Variants in RMND5B observed in about 807,000 individuals in gnomAD.
RMND5B encodes the protein required for meiotic nuclear division 5 homolog B.
Under a neutral mutation model 50.4 loss-of-function variants are expected in RMND5B, and 42 were observed. That is an observed-to-expected ratio of 0.83 (90% CI 0.65 to 1.08). The LOEUF is 1.08. RMND5B is among the 50% of genes least tolerant of loss of function. RMND5B has a pLI of 0.00. For missense variants in RMND5B, 463 were observed against 508.5 expected (o/e 0.91, Z 0.86); for synonymous variants, 220 against 210.0 (o/e 1.05, Z -0.41).
chr5:178,139,788 T>A (rs1160170355), intron 3 of RMND5B, among the ~76,000 whole-genome samples: 3 of 147,764 alleles, frequency 2.0e-5, no homozygotes, highest in Non-Finnish European at 4.5e-5. Flanking sequence ...GAACTCCCGA[T>A]CTCAGGTGAT....
intron 3 of RMND5B, among the ~76,000 whole-genome samples, chr5:178,140,208 T>G (rs1758843929): frequency 6.6e-6 from 1 of 152,134 alleles, no homozygotes; most frequent in Non-Finnish European, 1.5e-5. Context: ...AGTTCTCACT[T>G]TGTTGCCCAG....
At chr5:178,135,886 C>G (rs1758596300) in intron 2 of RMND5B, 1 of 152,148 alleles carries the variant, frequency 6.6e-6, no homozygotes, top group Non-Finnish European at 1.5e-5. Context: ...CACTCTTGGC[C>G]AACATTCTAG....
At chr5:178,145,921 T>C (rs1468269458) in intron 7 of RMND5B, 193 bp from the exon 8 acceptor site, 1 of 572,328 alleles carries the variant, frequency 1.7e-6, no homozygotes, top group Non-Finnish European at 3.1e-6. Context: ...AGAAGCAGCC[T>C]GGACCTCCAC....
rs138696545 is a variant in RMND5B at position 178,146,227 on chromosome 5, C to T, written c.808C>T (p.Arg270Trp). The T allele has an allele frequency of 2.4e-5, 38 of 1,614,048 alleles. No homozygotes were observed. The Middle Eastern group carries it at 6.6e-4, about 28-fold the overall frequency. ...GGCAGAGATCTGTGAGACCTTTACCCGGGACGCCTGTTCCCTGCTGGGGCT... is the reference window on the plus strand; with the variant it reads ...GGCAGAGATCTGTGAGACCTTTACCTGGGACGCCTGTTCCCTGCTGGGGCT... ...HWAEICETFTRDACSLLGLSV... is the reference protein window; with the variant it reads ...HWAEICETFTWDACSLLGLSV... Residue 270 changes from arginine (R) to tryptophan (W), a missense_variant, in exon 8 of 11, where the codon CGG (arginine) becomes TGG (tryptophan). Coordinates refer to ENST00000313386, the MANE Select transcript of RMND5B (RefSeq NM_022762.5).
intron 8 of RMND5B, 141 bp from the exon 9 acceptor site, chr5:178,147,392 G>A: frequency 1.6e-6 from 1 of 638,390 alleles, no homozygotes; most frequent in Non-Finnish European, 2.8e-6. Context: ...TATGAACAAT[G>A]TGAGGGATCT....
At chr5:178,140,993 T>C (rs937334958) in intron 3 of RMND5B, among the ~76,000 whole-genome samples, 1 of 152,220 alleles carries the variant, frequency 6.6e-6, no homozygotes, top group Non-Finnish European at 1.5e-5. Context: ...TGTCATTCTT[T>C]ATACATTTAT....
chr5:178,131,348 T>G lies in RMND5B; in HGVS notation c.-41T>G, dbSNP rs1377537456. On this transcript the variant is annotated 5_prime_UTR_variant, in exon 2 of 11. Coordinates refer to ENST00000313386, the MANE Select transcript of RMND5B (RefSeq NM_022762.5). The stretch of plus-strand genomic sequence containing the variant: ...CTCGGACTCAAACGTCCAGTCCTCG[T>G]GCGACCGCGCTGGGTCGGAAGTGAG... 1.3e-5 allele frequency: 2 copies of G among 152,154 alleles called. No individual in the cohort carries two copies. Among genetic ancestry groups the G allele is most frequent in the Non-Finnish European group, 2.9e-5 (2 of 68,074 alleles). The allele number at this position is 152,154 out of a possible 1,614,324, so 9.4% of individuals were successfully genotyped here. A position where few individuals can be genotyped will look rare whatever the true frequency, so the allele number is the denominator to read the frequency against.
chr5:178,149,739 C>T lies in RMND5B; in HGVS notation c.*1707C>T, dbSNP rs1382630853. The T allele has an allele frequency of 1.2e-6, 2 of 1,614,076 alleles. No homozygotes were observed. Among genetic ancestry groups the T allele is most frequent in the African/African-American group, 2.7e-5 (2 of 75,052 alleles). ...CATAGGGGTAGGGGCAGGGACTGCA[C>T]CTCCTCCAGGCACTCATCGTAAGCC... On this transcript the variant is annotated 3_prime_UTR_variant, in exon 11 of 11. Transcript: ENST00000313386.
intron 3 of RMND5B, among the ~76,000 whole-genome samples, chr5:178,141,015 C>T (rs1310708698): frequency 6.6e-6 from 1 of 152,266 alleles, no homozygotes; most frequent in East Asian, 1.9e-4. Flanking sequence ...AGTTGACATT[C>T]AACTGAAAAG....
In RMND5B at chr5:178,138,629, G is replaced by A. The variant is rs1758754078; in HGVS notation, c.139+371G>A. On this transcript the variant is annotated intron_variant, in intron 3 of 10. Transcript: ENST00000313386. The surrounding 1 kb of genome is among the most constrained non-coding windows in gnomAD (Gnocchi z 5.1). ...TCCTCCTGCCTCAGCCTCCCAAAGT[G>A]CTGGAATTATATGCGTGAGCCACCA... 6.6e-6 allele frequency among the ~76,000 whole-genome samples: 1 copy of A among 151,522 alleles called. No individual in the cohort carries two copies. The highest frequency in any genetic ancestry group is 2.4e-5 in the African/African-American group (1 of 41,214).
chr5:178,138,437 T>C lies in RMND5B; in HGVS notation c.139+179T>C. On this transcript the variant is annotated intron_variant, in intron 3 of 10. Coordinates refer to ENST00000313386, the MANE Select transcript of RMND5B (RefSeq NM_022762.5). The surrounding 1 kb of genome is among the most constrained non-coding windows in gnomAD (Gnocchi z 5.1). Reference sequence around the variant, plus strand: ...GAGCTACTTCAAAAAGCCCAACAAATTATTAATTTACCTGAGATGATTCCC... The same window carrying C: ...GAGCTACTTCAAAAAGCCCAACAAACTATTAATTTACCTGAGATGATTCCC... 7.3e-7 allele frequency: 1 copy of C among 1,377,260 alleles called. No individual in the cohort carries two copies. Among genetic ancestry groups the C allele is most frequent in the Non-Finnish European group, 9.4e-7 (1 of 1,066,746 alleles). 85.3% of individuals were successfully genotyped at this position (1,377,260 alleles called of 1,614,324 possible). A position where few individuals can be genotyped will look rare whatever the true frequency, so the allele number is the denominator to read the frequency against.
chr5:178,144,953 C>T (rs1561638452), intron 7 of RMND5B, among the ~76,000 whole-genome samples: 1 of 152,222 alleles, frequency 6.6e-6, no homozygotes, highest in African/African-American at 2.4e-5. Context: ...CCTATGCTTA[C>T]AAGTAGTAAC....
At position 178,131,336 on chromosome 5, in the gene RMND5B, GTCCA is replaced by G; in HGVS notation, c.-52_-49del. 1 of 152,198 alleles carries G rather than the reference GTCCA, an allele frequency of 6.6e-6. No individual in the cohort carries two copies. The highest frequency in any genetic ancestry group is 6.5e-5 in the Admixed American group (1 of 15,282). The allele number at this position is 152,198 out of a possible 1,614,324, so 9.4% of individuals were successfully genotyped here. A position where few individuals can be genotyped will look rare whatever the true frequency, so the allele number is the denominator to read the frequency against. On this transcript the variant is annotated 5_prime_UTR_variant, in exon 2 of 11. Transcript: ENST00000313386. ...CGGGGGGAGTTGCTCGGACTCAAAC[GTCCA>G]GTCCTCGTGCGACCGCGCTGGGTCG...
Position 178,148,185 on chromosome 5 carries a change from A to G in RMND5B, c.*153A>G. 2.7e-6 allele frequency: 2 copies of G among 737,196 alleles called. No individual in the cohort carries two copies. The highest frequency in any genetic ancestry group is 2.2e-5 in the Admixed American group (1 of 45,032). 45.7% of individuals were successfully genotyped at this position (737,196 alleles called of 1,614,324 possible). A position where few individuals can be genotyped will look rare whatever the true frequency, so the allele number is the denominator to read the frequency against. On this transcript the variant is annotated 3_prime_UTR_variant, in exon 11 of 11. Transcript: ENST00000313386. ...GGGAGCACTGGAGCAGCCCTTTGGC[A>G]GAGGCTGAGGAGGGAGATGGACCAG... is the stretch of plus-strand genomic sequence containing the variant.
chr5:178,145,105 A>G (rs962065608), intron 7 of RMND5B, among the ~76,000 whole-genome samples: 8 of 152,026 alleles, frequency 5.3e-5, no homozygotes, highest in Admixed American at 5.2e-4. Context: ...GAGTGCAGTA[A>G]GTGGTGTGAT....
chr5:178,148,027 T>G lies in RMND5B; in HGVS notation c.1177T>G (p.Phe393Val). 1.2e-6 allele frequency: 2 copies of G among 1,613,978 alleles called. No homozygotes were observed. Among genetic ancestry groups the G allele is most frequent in the Non-Finnish European group, 1.7e-6 (2 of 1,179,948 alleles). The change falls in exon 11 of 11, where the codon TTC becomes GTC. Residue 393 changes from phenylalanine (F) to valine (V), a missense_variant. Phe to Val is a conservative substitution (Grantham distance 50). Coordinates refer to ENST00000313386, the MANE Select transcript of RMND5B (RefSeq NM_022762.5). Reference protein sequence around the residue: ...QNPADGKRIIF With the variant: ...QNPADGKRIIV The stretch of plus-strand genomic sequence containing the variant: ...CCCGGCAGATGGGAAACGCATCATA[T>G]TCTGATTCCTACCTGGAAGGAATTT...
Position 178,146,245 on chromosome 5 carries a change from C to T in RMND5B, c.826C>T (p.Leu276=), listed in dbSNP as rs1581129716. ...CTTTACCCGGGACGCCTGTTCCCTG[C>T]TGGGGCTTTCTGTGGAGTCCCCCCT... ...ETFTRDACSL[L]GLSVESPLSV... is the part of the protein sequence containing the mutation. The change falls in exon 8 of 11, where the codon CTG becomes TTG. Residue 276 remains leucine (L), a synonymous_variant. Transcript: ENST00000313386. The T allele has an allele frequency of 6.2e-7, 1 of 1,614,176 alleles. No individual in the cohort carries two copies. The highest frequency in any genetic ancestry group is 8.5e-7 in the Non-Finnish European group (1 of 1,180,028).
rs944016113 is a variant in RMND5B, at chr5:178,149,682, G to C, written c.*1650G>C. 24 of 1,611,444 alleles carry C rather than the reference G, an allele frequency of 1.5e-5. No homozygotes were observed. In the Admixed American group the frequency reaches 3.0e-4, roughly 20 times the overall value. On this transcript the variant is annotated 3_prime_UTR_variant, in exon 11 of 11. Coordinates refer to ENST00000313386, the MANE Select transcript of RMND5B (RefSeq NM_022762.5). The stretch of plus-strand genomic sequence containing the variant: ...CCTGCTGCCAGCCCAATAGCTTCCA[G>C]CGGCAGGTGCCCAGGTGCTACCGGA...
chr5:178,146,328 AATC>A (rs764301333), intron 8 of RMND5B, 49 bp downstream of exon 8: 2 of 1,569,298 alleles, frequency 1.3e-6, no homozygotes, highest in African/African-American at 1.4e-5. Context: ...GTAGAGAGGT[AATC>A]ATCATTTGCC....
Sources: gnomAD v4.1 joint callset for allele counts (sites outside exome capture counted in the v4.1 genomes callset) on GRCh38, gnomAD v4.1.1 for gene constraint, Gnocchi (gnomAD v3.1) non-coding constraint, MANE v1.5 for transcripts, NCBI Gene and HGNC (gene_info 2026-07-23, HGNC 2026-07-21) for gene names.